The following SBF2 variants were observed in gnomAD, a reference collection of about 807,000 sequenced individuals.
The protein encoded by SBF2 is myotubularin-related protein 13.
SBF2 carries 112 observed loss-of-function variants against 225.2 expected under a neutral mutation model. The observed-to-expected ratio is 0.50, with a 90% CI of 0.43 to 0.58. The LOEUF (loss-of-function observed/expected upper bound fraction) is 0.58. Ranked by LOEUF, SBF2 falls within the 20% of genes least tolerant of loss-of-function variation. The probability of loss-of-function intolerance (pLI) is 0.00; values close to 1 mark genes in which losing one functional copy is unlikely to be tolerated. For missense variants in SBF2, 1,996 were observed against 2,206.2 expected (o/e 0.90, Z 1.91); for synonymous variants, 763 against 773.3 (o/e 0.99, Z 0.22).
intron 13 of SBF2, among the ~76,000 whole-genome samples, chr11:9,975,509 C>T (rs1212227549): frequency 6.6e-6 from 1 of 152,146 alleles, no homozygotes; most frequent in African/African-American, 2.4e-5. Flanking sequence ...AATTAAGGAA[C>T]TTTGGGGGAG....
chr11:10,206,740 C>T (rs1957764274), intron 1 of SBF2, among the ~76,000 whole-genome samples: 1 of 152,002 alleles, frequency 6.6e-6, no homozygotes. Context: ...GTGAAAATGG[C>T]ATAGCATAGA....
At chr11:10,007,788 C>T (rs1391093198) in intron 6 of SBF2, among the ~76,000 whole-genome samples, 3 of 152,316 alleles carry the variant, frequency 2.0e-5, no homozygotes, top group Admixed American at 1.3e-4. Flanking sequence ...TGGACACCAC[C>T]CTCTTAGGTC....
chr11:9,805,195 G>A (rs540479598), intron 32 of SBF2, among the ~76,000 whole-genome samples: 3 of 147,990 alleles, frequency 2.0e-5, no homozygotes, highest in African/African-American at 2.5e-5. Context: ...GTAGTGAGCC[G>A]AGATCACACC....
At chr11:10,178,463 C>G (rs1956570164) in intron 2 of SBF2, among the ~76,000 whole-genome samples, 2 of 145,902 alleles carry the variant, frequency 1.4e-5, no homozygotes, top group African/African-American at 5.1e-5. Context: ...GGGCTAATAT[C>G]CAGAATCTAC....
At chr11:9,893,254 A>G (rs1860984135) in intron 17 of SBF2, among the ~76,000 whole-genome samples, 1 of 152,222 alleles carries the variant, frequency 6.6e-6, no homozygotes, top group African/African-American at 2.4e-5. Context: ...AACAAATCTA[A>G]TATGCACTAG....
chr11:9,911,182 A>G (rs987045947), intron 16 of SBF2, among the ~76,000 whole-genome samples: 1 of 151,778 alleles, frequency 6.6e-6, no homozygotes, highest in African/African-American at 2.4e-5. Flanking sequence ...CCTGGCCAAG[A>G]TTGGTGAAAC....
chr11:10,238,137 G>A lies in SBF2; in HGVS notation c.56-44150C>T, dbSNP rs572427803. ...AAATATAACATGGAGGCTGGTGCAC[G>A]GTGGCTCATACCTGTTATCTCAGCA... On this transcript the variant is annotated intron_variant, in intron 1 of 39. Coordinates refer to ENST00000256190, the MANE Select transcript of SBF2 (RefSeq NM_030962.4). Among the ~76,000 whole-genome samples the A allele has an allele frequency of 3.3e-5, 5 of 152,160 alleles. 1 individual carries two copies. Among genetic ancestry groups the A allele is most frequent in the African/African-American group, 7.2e-5 (3 of 41,438 alleles).
chr11:9,811,110 T>C (rs920041714), intron 30 of SBF2: 2 of 152,188 alleles, frequency 1.3e-5, no homozygotes, highest in Admixed American at 6.5e-5. Flanking sequence ...AAATACTGCA[T>C]ATTCTCACTT....
intron 1 of SBF2, among the ~76,000 whole-genome samples, chr11:10,293,704 C>T (rs1964320117): frequency 6.6e-6 from 1 of 152,222 alleles, no homozygotes; most frequent in Non-Finnish European, 1.5e-5. Flanking sequence ...TCAGGGCTCT[C>T]TCTGCCCCGG....
chr11:9,858,500 T>C, intron 17 of SBF2, 104 bp from the exon 18 acceptor site: 1 of 1,192,390 alleles, frequency 8.4e-7, no homozygotes, highest in Non-Finnish European at 1.2e-6. Context: ...AAAGGATTTC[T>C]CTAAAGAATA....
intron 6 of SBF2, among the ~76,000 whole-genome samples, chr11:10,023,305 C>T (rs1375355507): frequency 6.6e-6 from 1 of 152,180 alleles, no homozygotes; most frequent in African/African-American, 2.4e-5. Context: ...ATTCTATCAT[C>T]TTAGATCAGT....
chr11:9,915,662 T>C (rs1264245470), intron 16 of SBF2: 3 of 152,144 alleles, frequency 2.0e-5, no homozygotes, highest in Non-Finnish European at 4.4e-5. Flanking sequence ...AACTGAATTA[T>C]AAATCTGTCA....
At chr11:9,992,648 TG>T (rs1947489137) in intron 11 of SBF2, 105 bp from the exon 12 acceptor site, 1 of 1,036,372 alleles carries the variant, frequency 9.6e-7, no homozygotes, top group East Asian at 2.6e-5. Flanking sequence ...AATCCCTTCA[TG>T]TATAAATATA....
intron 16 of SBF2, among the ~76,000 whole-genome samples, chr11:9,934,236 C>T (rs1199110846): frequency 6.6e-6 from 1 of 152,182 alleles, no homozygotes; most frequent in Non-Finnish European, 1.5e-5. Flanking sequence ...TGGACACATA[C>T]ACCCTCCCAA....
intron 28 of SBF2, among the ~76,000 whole-genome samples, chr11:9,824,529 C>T (rs1222143714): frequency 1.3e-5 from 2 of 149,214 alleles, no homozygotes; most frequent in Non-Finnish European, 3.0e-5. Flanking sequence ...CTCCACTGCA[C>T]TCCAGCCTGG....
At chr11:10,204,320 T>A (rs1186308535) in intron 1 of SBF2, among the ~76,000 whole-genome samples, 1 of 151,024 alleles carries the variant, frequency 6.6e-6, no homozygotes, top group African/African-American at 2.4e-5. Flanking sequence ...TATATCTATA[T>A]AATCGAATAT....
chr11:10,227,962 G>C (rs1012909338), intron 1 of SBF2, among the ~76,000 whole-genome samples: 1 of 151,448 alleles, frequency 6.6e-6, no homozygotes, highest in African/African-American at 2.4e-5. Flanking sequence ...AGCATGGAAT[G>C]TTCTTCCATT....
intron 1 of SBF2, among the ~76,000 whole-genome samples, chr11:10,231,963 G>A (rs1591272109): frequency 6.6e-6 from 1 of 152,186 alleles, no homozygotes; most frequent in Non-Finnish European, 1.5e-5. Context: ...CACCCAGTTC[G>A]AGCTTCCCGG....
intron 2 of SBF2, among the ~76,000 whole-genome samples, chr11:10,047,960 CA>C (rs1442168444): frequency 7.9e-5 from 12 of 152,256 alleles, no homozygotes. Context: ...TACTATACTC[CA>C]AAACCATCTT....
Sources: gnomAD v4.1 joint callset for allele counts (sites outside exome capture counted in the v4.1 genomes callset) on GRCh38, gnomAD v4.1.1 for gene constraint, MANE v1.5 for transcripts, NCBI Gene and HGNC (gene_info 2026-07-23, HGNC 2026-07-21) for gene names.